The following IGFL2 variants were observed in gnomAD, a reference collection of about 807,000 sequenced individuals.
IGFL2 encodes insulin growth factor-like family member 2.
A neutral mutation model predicts 13.9 loss-of-function variants in IGFL2; 7 were observed. The ratio of observed to expected loss-of-function variants is 0.51; its 90% confidence interval spans 0.29 to 0.95. The LOEUF (loss-of-function observed/expected upper bound fraction) is 0.95. Ranked by LOEUF, IGFL2 falls within the 40% of genes least tolerant of loss-of-function variation. The pLI, the probability that IGFL2 is intolerant of heterozygous loss-of-function variation, is 0.08. For synonymous variants in IGFL2, 55 were observed against 55.8 expected (o/e 0.99, Z 0.07); for missense variants, 138 against 147.8 (o/e 0.93, Z 0.34).
the IGFL2 span, among the ~76,000 whole-genome samples, chr19:46,174,736 A>G: frequency 6.6e-6 from 1 of 152,222 alleles, no homozygotes; most frequent in Non-Finnish European, 1.5e-5. Flanking sequence ...CCAGTCTCTC[A>G]GACCCTCTTT....
At chr19:46,084,612 A>C in the IGFL2 span, among the ~76,000 whole-genome samples, 1 of 152,226 alleles carries the variant, frequency 6.6e-6, no homozygotes, top group Non-Finnish European at 1.5e-5. Context: ...GGCCTCAGGA[A>C]GCTTACAATC....
At chr19:46,190,539 G>A in the IGFL2 span, 1 of 152,212 alleles carries the variant, frequency 6.6e-6, no homozygotes, top group South Asian at 2.1e-4. Flanking sequence ...AAGGGAATGG[G>A]GACATGGATA....
chr19:46,123,024 C>A, the IGFL2 span, among the ~76,000 whole-genome samples: 15 of 151,080 alleles, frequency 9.9e-5, 1 homozygote, highest in African/African-American at 3.2e-4. Context: ...TTTTCCCAAG[C>A]ATGACCTCAA....
intron 1 of IGFL2, among the ~76,000 whole-genome samples, chr19:46,151,003 G>T (rs190072966): frequency 6.6e-6 from 1 of 152,280 alleles, no homozygotes; most frequent in East Asian, 1.9e-4. Context: ...ACCGTGCCCT[G>T]CAGTGGATCT....
At chr19:46,199,893 A>G in the IGFL2 span, among the ~76,000 whole-genome samples, 1 of 152,250 alleles carries the variant, frequency 6.6e-6, no homozygotes, top group East Asian at 1.9e-4. Flanking sequence ...TTTTTTTTTA[A>G]TTGAGACGGA....
chr19:46,086,898 A>C, the IGFL2 span, among the ~76,000 whole-genome samples: 1 of 152,154 alleles, frequency 6.6e-6, no homozygotes, highest in Non-Finnish European at 1.5e-5. Flanking sequence ...TATAAACAGC[A>C]TCAGTGGTGT....
chr19:46,108,783 G>A, the IGFL2 span, among the ~76,000 whole-genome samples: 35 of 151,906 alleles, frequency 2.3e-4, no homozygotes, highest in African/African-American at 8.2e-4. Flanking sequence ...ACGGAAGACT[G>A]TCTGGAGTGA....
At chr19:46,099,366 C>T in the IGFL2 span, among the ~76,000 whole-genome samples, 1 of 152,076 alleles carries the variant, frequency 6.6e-6, no homozygotes, top group East Asian at 1.9e-4. Context: ...GAATGTTGGC[C>T]TCTCTTGCTG....
the IGFL2 span, chr19:46,180,611 G>C: frequency 0.2 from 30,549 of 152,240 alleles, 3,555 homozygotes; most frequent in Non-Finnish European, 0.26. Context: ...TCACATGACT[G>C]TAAGGTGAAG....
chr19:46,121,771 A>G, the IGFL2 span, among the ~76,000 whole-genome samples: 1 of 150,974 alleles, frequency 6.6e-6, no homozygotes, highest in Non-Finnish European at 1.5e-5. Context: ...AAGAAAGCAA[A>G]GGCAAAACAG....
the IGFL2 span, among the ~76,000 whole-genome samples, chr19:46,101,623 C>T: frequency 3.3e-5 from 5 of 152,246 alleles, no homozygotes; most frequent in African/African-American, 1.2e-4. Context: ...TGTTGCCCTT[C>T]CCCAGTGGGG....
the IGFL2 span, among the ~76,000 whole-genome samples, chr19:46,184,955 T>G: frequency 6.6e-6 from 1 of 152,222 alleles, no homozygotes; most frequent in African/African-American, 2.4e-5. Context: ...TGGCGTCAGA[T>G]GGTATCTCAT....
upstream of IGFL2, among the ~76,000 whole-genome samples, chr19:46,141,098 C>T (rs1972838646): frequency 6.6e-6 from 1 of 152,172 alleles, no homozygotes; most frequent in Non-Finnish European, 1.5e-5. Flanking sequence ...TATTTTTATA[C>T]AGGACAGTAA....
the IGFL2 span, chr19:46,179,500 C>G: frequency 6.6e-6 from 1 of 152,526 alleles, no homozygotes; most frequent in Non-Finnish European, 1.5e-5. Flanking sequence ...CGTGCAGCTG[C>G]TGGTCTCCAC....
chr19:46,204,347 G>C, the IGFL2 span: 2 of 152,470 alleles, frequency 1.3e-5, no homozygotes, highest in Admixed American at 1.3e-4. Context: ...GCTGAGACAG[G>C]GGTACCTGGG....
the IGFL2 span, among the ~76,000 whole-genome samples, chr19:46,105,418 C>T: frequency 3.3e-5 from 5 of 152,080 alleles, no homozygotes; most frequent in African/African-American, 1.2e-4. Context: ...GGTGATTAGG[C>T]TTGGTGGAAC....
the IGFL2 span, among the ~76,000 whole-genome samples, chr19:46,082,840 C>T: frequency 6.6e-6 from 1 of 152,280 alleles, no homozygotes; most frequent in East Asian, 1.9e-4. Context: ...CTCTCCTTGA[C>T]AAACTGCATA....
chr19:46,117,505 A>G, the IGFL2 span, among the ~76,000 whole-genome samples: 1 of 151,956 alleles, frequency 6.6e-6, no homozygotes, highest in South Asian at 2.1e-4. Flanking sequence ...TTAGAGACAG[A>G]ATTTGTGCTG....
chr19:46,109,605 C>T, the IGFL2 span, among the ~76,000 whole-genome samples: 5 of 152,080 alleles, frequency 3.3e-5, no homozygotes, highest in South Asian at 2.1e-4. Flanking sequence ...CGTGAGACAC[C>T]GCGCCCGGCC....
Sources: allele counts gnomAD v4.1 joint callset (sites outside exome capture counted in the v4.1 genomes callset), GRCh38; gene constraint gnomAD v4.1.1; transcripts MANE v1.5; gene names NCBI Gene and HGNC (gene_info 2026-07-23, HGNC 2026-07-21).